SASH1: variants seen among roughly 807,000 people sequenced by gnomAD.
SASH1 encodes the protein SAM and SH3 domain-containing protein 1.
In SASH1, 44 loss-of-function variants were observed where a neutral mutation model predicts 125.2. That is an observed-to-expected ratio of 0.35 (90% CI 0.28 to 0.45). The LOEUF (loss-of-function observed/expected upper bound fraction) is 0.45, where lower values mean the gene tolerates loss of function less well. Among genes scored for constraint, SASH1 ranks in the 20% least tolerant of loss-of-function variants. The pLI, the probability that SASH1 is intolerant of heterozygous loss-of-function variation, is 1.00. For synonymous variants in SASH1, 639 were observed against 649.1 expected (o/e 0.98, Z 0.24); for missense variants, 1,426 against 1,614.5 (o/e 0.88, Z 2.00).
At chr6:148,479,264 G>GTCTC (rs1372674161) in intron 7 of SASH1, 2 of 152,690 alleles carry the variant, frequency 1.3e-5, no homozygotes, top group African/African-American at 4.8e-5. Context: ...GGCCAGTGTG[G>GTCTC]TCTCAAACTC....
chr6:148,203,406 C>T, the SASH1 span, among the ~76,000 whole-genome samples: 70 of 152,218 alleles, frequency 4.6e-4, no homozygotes, highest in Admixed American at 6.5e-4. Context: ...TTCTGTTTCT[C>T]CTTTATCACA....
the SASH1 span, among the ~76,000 whole-genome samples, chr6:148,199,925 C>T: frequency 0.65 from 98,119 of 151,952 alleles, 32,350 homozygotes; most frequent in African/African-American, 0.78. Context: ...TCAGTCAAAA[C>T]TGATATTCTG....
chr6:148,355,049 G>A (rs1471902890), intron 1 of SASH1, among the ~76,000 whole-genome samples: 2 of 152,124 alleles, frequency 1.3e-5, no homozygotes, highest in Admixed American at 6.5e-5. Context: ...ATGAGCCACC[G>A]CACCCGGCCA....
intron 10 of SASH1, among the ~76,000 whole-genome samples, chr6:148,520,685 G>A (rs192335631): frequency 3.1e-4 from 47 of 152,234 alleles, no homozygotes; most frequent in African/African-American, 1.1e-3. Context: ...CTCCAGGAGT[G>A]GCTGTCTTGA....
At chr6:148,243,051 C>T in the SASH1 span, among the ~76,000 whole-genome samples, 3 of 152,126 alleles carry the variant, frequency 2.0e-5, no homozygotes, top group Non-Finnish European at 4.4e-5. Context: ...TACAGTGGCT[C>T]CCGCCTGTAA....
chr6:148,527,988 TGGGGGGGGGGG>T (rs1781287826), intron 12 of SASH1, among the ~76,000 whole-genome samples: 1 of 115,160 alleles, frequency 8.7e-6, no homozygotes. Context: ...TTTTTTTTTT[TGGGGGGGGGGG>T]TGGCAGTAGA....
the SASH1 span, among the ~76,000 whole-genome samples, chr6:148,252,158 G>A: frequency 3.9e-5 from 6 of 151,920 alleles, no homozygotes; most frequent in Non-Finnish European, 5.9e-5. Flanking sequence ...GTGGCCTCTC[G>A]AAAACCACAA....
intron 16 of SASH1, among the ~76,000 whole-genome samples, chr6:148,535,204 A>C (rs56017398): frequency 0.044 from 6,646 of 152,312 alleles, 243 homozygotes; most frequent in African/African-American, 0.089. Flanking sequence ...CATGGGAACA[A>C]AAGAAAACCT....
chr6:148,282,186 C>T (rs747045669), intron 1 of SASH1, among the ~76,000 whole-genome samples: 4 of 152,254 alleles, frequency 2.6e-5, no homozygotes, highest in South Asian at 4.1e-4. Flanking sequence ...GTGGCTGAGC[C>T]GGGCAGGAAA....
intron 12 of SASH1, among the ~76,000 whole-genome samples, chr6:148,527,977 CTTT>C (rs5880790): frequency 0.031 from 2,932 of 94,034 alleles, 48 homozygotes; most frequent in Middle Eastern, 0.051. Flanking sequence ...AAACCTAAAG[CTTT>C]TTTTTTTTGG....
At chr6:148,288,335 C>A (rs569778808) in intron 1 of SASH1, among the ~76,000 whole-genome samples, 1 of 152,314 alleles carries the variant, frequency 6.6e-6, no homozygotes, top group African/African-American at 2.4e-5. Context: ...CGGGAATCAG[C>A]CCAACCCTGT....
chr6:148,452,956 T>C (rs1471444122), intron 4 of SASH1, among the ~76,000 whole-genome samples: 2 of 152,260 alleles, frequency 1.3e-5, no homozygotes, highest in Admixed American at 1.3e-4. Context: ...TGTGCAGGCA[T>C]AACTGCGTCC....
chr6:148,224,833 C>G, the SASH1 span, among the ~76,000 whole-genome samples: 2 of 151,982 alleles, frequency 1.3e-5, no homozygotes, highest in Admixed American at 6.6e-5. Context: ...AATTATGAAC[C>G]AACTTTTCCT....
chr6:148,415,186 G>C (rs1290361152), intron 2 of SASH1, among the ~76,000 whole-genome samples: 1 of 152,128 alleles, frequency 6.6e-6, no homozygotes, highest in East Asian at 1.9e-4. Flanking sequence ...AAATTAATTA[G>C]TGCTATTGGT....
At chr6:148,367,908 G>A (rs4131287) in intron 1 of SASH1, among the ~76,000 whole-genome samples, 39,222 of 152,150 alleles carry the variant, frequency 0.26, 5,333 homozygotes, top group Non-Finnish European at 0.31. Flanking sequence ...GGGTGGAGTC[G>A]TTCAGGGCTG....
chr6:148,485,083 A>G (rs1778786563), intron 7 of SASH1, among the ~76,000 whole-genome samples: 1 of 150,080 alleles, frequency 6.7e-6, no homozygotes, highest in Non-Finnish European at 1.5e-5. Context: ...AAAAATCGTC[A>G]TATATGATTG....
the SASH1 span, among the ~76,000 whole-genome samples, chr6:148,252,694 G>T: frequency 6.6e-6 from 1 of 152,116 alleles, no homozygotes. Context: ...GGCCAGGCTG[G>T]TCTCAAACTG....
intron 1 of SASH1, among the ~76,000 whole-genome samples, chr6:148,386,629 G>T (rs1268684812): frequency 6.6e-6 from 1 of 152,190 alleles, no homozygotes; most frequent in Non-Finnish European, 1.5e-5. Flanking sequence ...GGTGTGTTTT[G>T]TTTCCTGGCT....
At chr6:148,388,590 T>C (rs1377315929) in intron 1 of SASH1, among the ~76,000 whole-genome samples, 3 of 152,268 alleles carry the variant, frequency 2.0e-5, no homozygotes, top group Admixed American at 6.5e-5. Flanking sequence ...GGAGCTTTTC[T>C]GAAGCGTCAT....
Sources: gnomAD v4.1 joint callset for allele counts (sites outside exome capture counted in the v4.1 genomes callset) on GRCh38, gnomAD v4.1.1 for gene constraint, MANE v1.5 for transcripts, NCBI Gene and HGNC (gene_info 2026-07-23, HGNC 2026-07-21) for gene names.